Variants in PSMB2 observed in about 807,000 individuals in gnomAD.
The protein encoded by PSMB2 is proteasome 20S subunit beta 2, also known as proteasome subunit beta type-2.
Under a neutral mutation model 25.7 loss-of-function variants are expected in PSMB2, and 13 were observed. That is an observed-to-expected ratio of 0.51 (90% CI 0.33 to 0.80). The LOEUF (loss-of-function observed/expected upper bound fraction) is 0.80, where lower values mean the gene tolerates loss of function less well. Among genes scored for constraint, PSMB2 ranks in the 30% least tolerant of loss-of-function variants. The pLI is 0.02. For missense variants in PSMB2, 202 were observed against 259.0 expected (o/e 0.78, Z 1.51); for synonymous variants, 87 against 96.2 (o/e 0.90, Z 0.56).
intron 3 of PSMB2, among the ~76,000 whole-genome samples, chr1:35,615,895 A>G (rs1443450650): frequency 6.6e-6 from 1 of 152,224 alleles, no homozygotes; most frequent in African/African-American, 2.4e-5. Context: ...TTGTCTAGAG[A>G]TGAGTGTTTT....
At chr1:35,641,177 C>A (rs984078173) in intron 1 of PSMB2, among the ~76,000 whole-genome samples, 165 bp downstream of exon 1, 2 of 151,996 alleles carry the variant, frequency 1.3e-5, no homozygotes, top group Non-Finnish European at 2.9e-5. Flanking sequence ...ACAACAAGAG[C>A]GAAACCCCTC....
intron 4 of PSMB2, among the ~76,000 whole-genome samples, chr1:35,607,471 G>C (rs1033844263): frequency 6.6e-6 from 1 of 152,158 alleles, no homozygotes; most frequent in Middle Eastern, 3.2e-3. Flanking sequence ...AAACCACAAT[G>C]AGGTAACACC....
At position 35,609,311 on chromosome 1, in the gene PSMB2, G is replaced by T; in HGVS notation, c.383C>A (p.Pro128His). ...MDYLAALAKA[P>H]FAAHGYGAFL... ...GGCACCATAGCCGTGGGCTGCAAAAGGGGCCTTGGCCAAGGCTGCCAGGTA... is the reference window on the plus strand; with the variant it reads ...GGCACCATAGCCGTGGGCTGCAAAATGGGCCTTGGCCAAGGCTGCCAGGTA... Residue 128 changes from proline to histidine, a missense_variant, in exon 4 of 6, where the codon CCT becomes CAT. Physicochemically the swap from Pro to His is moderately conservative, Grantham distance 77 (BLOSUM62 -2). Coordinates refer to ENST00000373237, the MANE Select transcript of PSMB2 (RefSeq NM_002794.5). 6.2e-7 allele frequency: 1 copy of T among 1,613,518 alleles called. No homozygotes were observed. The highest frequency in any genetic ancestry group is 8.5e-7 in the Non-Finnish European group (1 of 1,179,748).
At chr1:35,614,242 G>A (rs1422547708) in intron 3 of PSMB2, among the ~76,000 whole-genome samples, 1 of 152,128 alleles carries the variant, frequency 6.6e-6, no homozygotes, top group East Asian at 1.9e-4. Flanking sequence ...TACTCTGAGT[G>A]GTAAAGCTAC....
chr1:35,626,130 GC>G (rs1650853362), intron 3 of PSMB2, among the ~76,000 whole-genome samples: 1 of 152,156 alleles, frequency 6.6e-6, no homozygotes, highest in Non-Finnish European at 1.5e-5. Flanking sequence ...GAGCCACTGT[GC>G]CTGGCCGAAG....
At chr1:35,628,869 T>C (rs1650998496) in intron 3 of PSMB2, among the ~76,000 whole-genome samples, 1 of 151,754 alleles carries the variant, frequency 6.6e-6, no homozygotes. Flanking sequence ...AGATCTGTAG[T>C]AAGTAACTTT....
chr1:35,627,256 C>T (rs1487832111), intron 3 of PSMB2, among the ~76,000 whole-genome samples: 2 of 88,994 alleles, frequency 2.2e-5, no homozygotes, highest in African/African-American at 1.2e-4. Flanking sequence ...GAGACCCTAT[C>T]TCAAAAAAAA....
chr1:35,617,786 A>T (rs1201943940), intron 3 of PSMB2, among the ~76,000 whole-genome samples: 1 of 152,208 alleles, frequency 6.6e-6, no homozygotes, highest in Admixed American at 6.5e-5. Context: ...AGCAGGAAGT[A>T]GGGAGAGAAA....
intron 2 of PSMB2, 55 bp from the exon 3 acceptor site, chr1:35,631,399 C>A: frequency 6.2e-7 from 1 of 1,604,176 alleles, no homozygotes; most frequent in Non-Finnish European, 8.5e-7. Context: ...AATAACAGTG[C>A]CCCAAATTAT....
chr1:35,611,550 A>T (rs1275439471), intron 3 of PSMB2, among the ~76,000 whole-genome samples: 31 of 152,056 alleles, frequency 2.0e-4, no homozygotes, highest in Non-Finnish European at 2.1e-4. Flanking sequence ...TTGGCCGGGC[A>T]CGGTGGCTCA....
rs1284788746 is a variant in PSMB2, at chr1:35,602,997, TG to T, written c.*269del. The T allele has an allele frequency of 3.6e-5, 41 of 1,132,948 alleles. No homozygotes were observed. In the African/African-American group the frequency reaches 5.8e-4, roughly 16 times the overall value. The allele number at this position is 1,132,948 out of a possible 1,614,324, so 70.2% of individuals were successfully genotyped here. On this transcript the variant is annotated 3_prime_UTR_variant, in exon 6 of 6. Coordinates refer to ENST00000373237, the MANE Select transcript of PSMB2 (RefSeq NM_002794.5). Reference sequence around the variant, plus strand: ...AGGAAGCCAAGCATGGAGTAGAACGTGGGGCCGTCAGCTGCTAAAGGGTACT... The same window carrying T: ...AGGAAGCCAAGCATGGAGTAGAACGTGGGCCGTCAGCTGCTAAAGGGTACT...
chr1:35,623,022 A>G (rs752630796), intron 3 of PSMB2, among the ~76,000 whole-genome samples: 2 of 152,186 alleles, frequency 1.3e-5, no homozygotes, highest in African/African-American at 4.8e-5. Flanking sequence ...TACTCCTCCT[A>G]GTAGAAAAAC....
chr1:35,639,005 G>A (rs1056700733), intron 1 of PSMB2, among the ~76,000 whole-genome samples: 3 of 152,122 alleles, frequency 2.0e-5, no homozygotes, highest in Admixed American at 6.6e-5. Flanking sequence ...TGTAATCCCA[G>A]CACTTTGGGA....
chr1:35,622,101 TC>T, intron 3 of PSMB2, among the ~76,000 whole-genome samples: 1 of 152,150 alleles, frequency 6.6e-6, no homozygotes, highest in East Asian at 1.9e-4. Context: ...AATCCACCTT[TC>T]CCCTTGTGAA....
At chr1:35,613,292 C>G (rs1371732432) in intron 3 of PSMB2, among the ~76,000 whole-genome samples, 3 of 152,030 alleles carry the variant, frequency 2.0e-5, no homozygotes, top group Non-Finnish European at 4.4e-5. Context: ...TAATCCCGCA[C>G]TTTGGGAGGC....
Position 35,600,446 on chromosome 1 carries a change from A to G in PSMB2, c.*2821T>C. 1.1e-6 allele frequency: 1 copy of G among 887,094 alleles called. No individual in the cohort carries two copies. Among genetic ancestry groups the G allele is most frequent in the Non-Finnish European group, 1.4e-6 (1 of 740,594 alleles). The allele number at this position is 887,094 out of a possible 1,614,324, so 55.0% of individuals were successfully genotyped here. On this transcript the variant is annotated 3_prime_UTR_variant, in exon 6 of 6. Coordinates refer to ENST00000373237, the MANE Select transcript of PSMB2 (RefSeq NM_002794.5). ...ACATTACAGAAACTGAATAAGGGGT[A>G]TAAGGACACCATATTATCTTTGCAA... is the stretch of plus-strand genomic sequence containing the variant.
At chr1:35,610,077 G>A (rs1650285951) in intron 3 of PSMB2, among the ~76,000 whole-genome samples, 1 of 152,174 alleles carries the variant, frequency 6.6e-6, no homozygotes, top group Admixed American at 6.5e-5. Context: ...CACATCAAAT[G>A]AAATAAACAA....
At chr1:35,633,795 T>C (rs569130511) in intron 2 of PSMB2, among the ~76,000 whole-genome samples, 1 of 152,294 alleles carries the variant, frequency 6.6e-6, no homozygotes, top group South Asian at 2.1e-4. Flanking sequence ...TTAAGCAGAA[T>C]GCTTACCATA....
At chr1:35,627,123 C>T (rs1650887765) in intron 3 of PSMB2, among the ~76,000 whole-genome samples, 1 of 151,114 alleles carries the variant, frequency 6.6e-6, no homozygotes, top group Non-Finnish European at 1.5e-5. Flanking sequence ...CTATCAATAC[C>T]AGCATGGTGG....
Sources: gnomAD v4.1 joint callset for allele counts (sites outside exome capture counted in the v4.1 genomes callset) on GRCh38, gnomAD v4.1.1 for gene constraint, MANE v1.5 for transcripts, NCBI Gene and HGNC (gene_info 2026-07-23, HGNC 2026-07-21) for gene names.